MON2: variants seen among roughly 807,000 people sequenced by gnomAD.
The protein encoded by MON2 is protein MON2 homolog.
MON2 carries 84 observed loss-of-function variants against 208.6 expected under a neutral mutation model. That is an observed-to-expected ratio of 0.40 (90% confidence interval 0.34 to 0.48). The LOEUF is 0.48. Among genes scored for constraint, MON2 ranks in the 20% least tolerant of loss-of-function variants. MON2 has a pLI of 0.59. For missense variants in MON2, 1,611 were observed against 2,015.4 expected (o/e 0.80, Z 3.84); for synonymous variants, 660 against 694.0 (o/e 0.95, Z 0.77).
chr12:62,484,020 G>A, intron 1 of MON2, 150 bp from the exon 2 acceptor site: 2 of 615,842 alleles, frequency 3.2e-6, no homozygotes, highest in Admixed American at 6.0e-5. Flanking sequence ...TCACTACTGG[G>A]CTTAGTATCT....
At chr12:62,524,286 A>G (rs1462037858) in intron 8 of MON2, among the ~76,000 whole-genome samples, 1 of 152,096 alleles carries the variant, frequency 6.6e-6, no homozygotes, top group African/African-American at 2.4e-5. Flanking sequence ...GCAGATTACT[A>G]ATGTTTTCAG....
At chr12:62,480,539 C>G (rs947757477) in intron 1 of MON2, among the ~76,000 whole-genome samples, 1 of 152,174 alleles carries the variant, frequency 6.6e-6, no homozygotes, top group Non-Finnish European at 1.5e-5. Context: ...ACACTTCAGC[C>G]TGGGTGACAG....
At chr12:62,575,038 A>T (rs1246478942) in intron 30 of MON2, among the ~76,000 whole-genome samples, 1 of 152,058 alleles carries the variant, frequency 6.6e-6, no homozygotes, top group Non-Finnish European at 1.5e-5. Context: ...AGGTGGGATG[A>T]TCACTTGAGC....
At chr12:62,486,121 C>T (rs181566793) in intron 2 of MON2, among the ~76,000 whole-genome samples, 249 of 152,142 alleles carry the variant, frequency 1.6e-3, no homozygotes, top group African/African-American at 5.4e-3. Flanking sequence ...ATAGGCCAAT[C>T]GTATTAGAAT....
chr12:62,585,140 T>A (rs1415444594), intron 32 of MON2, among the ~76,000 whole-genome samples, 154 bp from the exon 33 acceptor site: 10 of 148,474 alleles, frequency 6.7e-5, no homozygotes, highest in South Asian at 2.2e-4. Flanking sequence ...AAAAAACACA[T>A]TTTCACTATA....
intron 2 of MON2, among the ~76,000 whole-genome samples, chr12:62,492,751 C>T (rs1415384495): frequency 2.1e-5 from 3 of 145,090 alleles, no homozygotes; most frequent in African/African-American, 5.0e-5. Flanking sequence ...GAGGCTGAGG[C>T]GGGTGGATCA....
chr12:62,522,357 T>A (rs2072089886), intron 8 of MON2, among the ~76,000 whole-genome samples: 1 of 152,222 alleles, frequency 6.6e-6, no homozygotes, highest in South Asian at 2.1e-4. Context: ...TCCAAGGTTG[T>A]TAACTCGGAC....
chr12:62,495,159 G>T lies in MON2; in HGVS notation c.435+12G>T. ...AGGCACTTTCTAAGGTAGGAAAACT[G>T]TTTGCCAGAGTTCATATGTGCTTTG... On this transcript the variant is annotated intron_variant, in intron 4 of 34. Transcript: ENST00000393630. 6.3e-7 allele frequency: 1 copy of T among 1,595,010 alleles called. No individual in the cohort carries two copies. Among genetic ancestry groups the T allele is most frequent in the Non-Finnish European group, 8.5e-7 (1 of 1,169,942 alleles).
At chr12:62,485,930 C>G (rs879283752) in intron 2 of MON2, among the ~76,000 whole-genome samples, 1 of 152,156 alleles carries the variant, frequency 6.6e-6, no homozygotes, top group Non-Finnish European at 1.5e-5. Context: ...TCTCGAACTC[C>G]TGACCTCGGG....
chr12:62,474,725 G>A (rs796258625), intron 1 of MON2, among the ~76,000 whole-genome samples: 2 of 152,154 alleles, frequency 1.3e-5, no homozygotes, highest in African/African-American at 4.8e-5. Context: ...CGGCCAGCCA[G>A]ATAGAACTTC....
chr12:62,554,204 T>C (rs1347605209), intron 24 of MON2, among the ~76,000 whole-genome samples: 1 of 152,246 alleles, frequency 6.6e-6, no homozygotes, highest in African/African-American at 2.4e-5. Flanking sequence ...TTAATGATTT[T>C]TTTCTCACAC....
intron 2 of MON2, among the ~76,000 whole-genome samples, chr12:62,490,328 G>GT (rs201990687): frequency 0.049 from 7,291 of 150,010 alleles, 230 homozygotes; most frequent in Non-Finnish European, 0.059. Flanking sequence ...AGCTTTTTCT[G>GT]TTTTTTTTTG....
Position 62,542,998 on chromosome 12 carries a change from A to G in MON2, c.2365-99A>G, listed in dbSNP as rs1053580421. The G allele has an allele frequency of 1.7e-5, 11 of 628,772 alleles. No individual in the cohort carries two copies. In the African/African-American group the frequency reaches 2.0e-4, roughly 11 times the overall value. The allele number at this position is 628,772 out of a possible 1,614,324, so 38.9% of individuals were successfully genotyped here. A position where few individuals can be genotyped will look rare whatever the true frequency, so the allele number is the denominator to read the frequency against. On this transcript the variant is annotated intron_variant, in intron 19 of 34. Transcript: ENST00000393630. Reference sequence around the variant, plus strand: ...ACTTTATACTAACCACTCAATTTTAATTTCAGTCATGCTCTTCAGAGTATT... The same window carrying G: ...ACTTTATACTAACCACTCAATTTTAGTTTCAGTCATGCTCTTCAGAGTATT...
intron 5 of MON2, 104 bp downstream of exon 5, chr12:62,499,152 A>C (rs1341181906): frequency 3.4e-6 from 4 of 1,162,070 alleles, no homozygotes; most frequent in African/African-American, 3.2e-5. Flanking sequence ...TATGTCTATA[A>C]TGGCAACTTA....
rs552968154 is a variant in MON2 at position 62,596,654 on chromosome 12, T to TGGG, written c.*3906_*3908dup. 438 of 152,336 alleles carry TGGG rather than the reference T, an allele frequency of 2.9e-3. 2 individuals are homozygous for TGGG. Among genetic ancestry groups the TGGG allele is most frequent in the African/African-American group, 9.7e-3 (402 of 41,576 alleles). The allele number at this position is 152,336 out of a possible 1,614,324, so 9.4% of individuals were successfully genotyped here. On this transcript the variant is annotated 3_prime_UTR_variant, in exon 35 of 35. Transcript: ENST00000393630. ...AAAAAATTGTCATTCATGAGAAGAA[T>TGGG]GGGAGTTCATGCCACATAGTATTTT...
At chr12:62,559,964 C>T (rs1353768926) in intron 25 of MON2, 1 of 152,486 alleles carries the variant, frequency 6.6e-6, no homozygotes, top group African/African-American at 2.4e-5. Flanking sequence ...GAACTTCTTA[C>T]TTAATCATTA....
At chr12:62,527,781 C>T (rs1056369189) in intron 11 of MON2, among the ~76,000 whole-genome samples, 2 of 151,334 alleles carry the variant, frequency 1.3e-5, no homozygotes, top group African/African-American at 4.9e-5. Context: ...GAAAGGGTCT[C>T]CCTGAGGAAA....
chr12:62,516,656 A>G (rs926362681), intron 8 of MON2, among the ~76,000 whole-genome samples: 2 of 152,178 alleles, frequency 1.3e-5, no homozygotes, highest in African/African-American at 4.8e-5. Context: ...GCGAGCCAAG[A>G]TTGTGCGATT....
intron 24 of MON2, among the ~76,000 whole-genome samples, chr12:62,555,212 G>A (rs1005210732): frequency 2.0e-5 from 3 of 151,404 alleles, no homozygotes; most frequent in African/African-American, 7.3e-5. Context: ...ATCTCACTCT[G>A]TTGCCCAGGA....
Sources: allele counts gnomAD v4.1 joint callset (sites outside exome capture counted in the v4.1 genomes callset), GRCh38; gene constraint gnomAD v4.1.1; transcripts MANE v1.5; gene names NCBI Gene and HGNC (gene_info 2026-07-23, HGNC 2026-07-21).